Variants in PRR11 observed in about 807,000 individuals in gnomAD.
PRR11 encodes the protein proline rich 11, also known as proline-rich protein 11.
A neutral mutation model predicts 45.6 loss-of-function variants in PRR11; 30 were observed. The observed-to-expected ratio is 0.66, with a 90% CI of 0.49 to 0.89. PRR11 has a LOEUF of 0.89. Ranked by LOEUF, PRR11 falls within the 40% of genes least tolerant of loss-of-function variation. The pLI, the probability that PRR11 is intolerant of heterozygous loss-of-function variation, is 0.00. For missense variants in PRR11, 373 were observed against 424.8 expected (o/e 0.88, Z 1.07); for synonymous variants, 128 against 153.5 (o/e 0.83, Z 1.23).
At chr17:59,156,551 T>A (rs1490631969) in intron 1 of PRR11, among the ~76,000 whole-genome samples, 1 of 152,130 alleles carries the variant, frequency 6.6e-6, no homozygotes, top group Non-Finnish European at 1.5e-5. Flanking sequence ...GAGACTTCCA[T>A]AAAAATGTGT....
intron 2 of PRR11, chr17:59,175,206 G>A: frequency 2.2e-6 from 1 of 458,446 alleles, no homozygotes; most frequent in South Asian, 1.9e-5. Flanking sequence ...CCAGAGAGGA[G>A]GGCAGGGGAC....
chr17:59,175,052 G>A, intron 2 of PRR11: 1 of 606,530 alleles, frequency 1.6e-6, no homozygotes, highest in Non-Finnish European at 2.9e-6. Context: ...TCTGGGAGTG[G>A]TTCTTCCCGT....
intron 2 of PRR11, among the ~76,000 whole-genome samples, chr17:59,171,041 T>C (rs558272766): frequency 5.5e-4 from 83 of 151,816 alleles, no homozygotes; most frequent in Non-Finnish European, 7.4e-4. Flanking sequence ...GGGCGGATCA[T>C]GAGGTCAGGA....
chr17:59,186,796 T>C (rs139357212), intron 4 of PRR11, among the ~76,000 whole-genome samples: 63 of 152,280 alleles, frequency 4.1e-4, no homozygotes, highest in African/African-American at 1.5e-3. Flanking sequence ...AAAGGATTAA[T>C]TATTGAATAT....
chr17:59,198,557 C>T (rs544294332), intron 9 of PRR11, among the ~76,000 whole-genome samples: 1 of 152,218 alleles, frequency 6.6e-6, no homozygotes, highest in South Asian at 2.1e-4. Context: ...GCCTGTAGTC[C>T]CAGCTACTCG....
intron 1 of PRR11, among the ~76,000 whole-genome samples, chr17:59,156,465 T>G (rs943495006): frequency 1.3e-5 from 2 of 151,002 alleles, no homozygotes; most frequent in African/African-American, 4.9e-5. Flanking sequence ...GAAATAGTGC[T>G]ATGGGTGTTC....
chr17:59,156,941 A>C (rs757638627), intron 1 of PRR11, among the ~76,000 whole-genome samples: 1 of 152,154 alleles, frequency 6.6e-6, no homozygotes, highest in Admixed American at 6.5e-5. Context: ...AGAACTTTTC[A>C]TATCATTGGG....
intron 2 of PRR11, chr17:59,181,678 T>C: frequency 6.5e-7 from 1 of 1,543,708 alleles, no homozygotes; most frequent in Non-Finnish European, 8.8e-7. Flanking sequence ...CTCCTCAGAT[T>C]GGTCCGACCA....
intron 5 of PRR11, 145 bp from the exon 6 acceptor site, chr17:59,194,612 T>C (rs1006225402): frequency 9.6e-6 from 5 of 520,100 alleles, no homozygotes; most frequent in Admixed American, 3.8e-5. Context: ...CGATTATTCT[T>C]GGTTGAGTAG....
Position 59,201,715 on chromosome 17 carries a change from A to G in PRR11, c.*84A>G. ...GCTGGGTGCAGTGGCTCACACCTGTAATCCCAGCACTTTGGGAGGCTGAGG... is the reference window on the plus strand; with the variant it reads ...GCTGGGTGCAGTGGCTCACACCTGTGATCCCAGCACTTTGGGAGGCTGAGG... On this transcript the variant is annotated 3_prime_UTR_variant, in exon 10 of 10. Transcript: ENST00000262293. 7.1e-7 allele frequency: 1 copy of G among 1,413,130 alleles called. No homozygotes were observed. The allele number at this position is 1,413,130 out of a possible 1,614,324, so 87.5% of individuals were successfully genotyped here.
At chr17:59,179,637 G>T (rs1254305412) in intron 2 of PRR11, 4 of 1,512,504 alleles carry the variant, frequency 2.6e-6, no homozygotes, top group Non-Finnish European at 2.7e-6. Flanking sequence ...GCTCTCTGGG[G>T]TGTCCTCCTA....
intron 7 of PRR11, among the ~76,000 whole-genome samples, chr17:59,196,416 G>A (rs139205679): frequency 0.034 from 5,080 of 151,540 alleles, 316 homozygotes; most frequent in African/African-American, 0.12. Context: ...TTGCTCTGTC[G>A]CCCAGACTGG....
intron 4 of PRR11, among the ~76,000 whole-genome samples, chr17:59,190,458 C>T (rs756502361): frequency 8.0e-5 from 12 of 149,980 alleles, no homozygotes; most frequent in Non-Finnish European, 1.2e-4. Flanking sequence ...CTAGCCTGGG[C>T]GACACAGCAA....
In PRR11 at chr17:59,195,412, G is replaced by T; in HGVS notation, c.826G>T (p.Val276Leu). The T allele has an allele frequency of 6.2e-7, 1 of 1,612,976 alleles. No homozygotes were observed. Among genetic ancestry groups the T allele is most frequent in the Non-Finnish European group, 8.5e-7 (1 of 1,179,062 alleles). ...TGTTACCCTGAAACCTAACTCCAAA[G>T]TGTTATCGACTCGAGTTACAAACGT... Reference protein sequence around the residue: ...QHVTLKPNSKVLSTRVTNVLI... With the variant: ...QHVTLKPNSKLLSTRVTNVLI... Residue 276 changes from valine (V) to leucine (L), a missense_variant, in exon 7 of 10, where the codon GTG becomes TTG. Coordinates refer to ENST00000262293, the MANE Select transcript of PRR11 (RefSeq NM_018304.4).
At chr17:59,170,404 T>C (rs936896058) in intron 2 of PRR11, among the ~76,000 whole-genome samples, 1 of 152,132 alleles carries the variant, frequency 6.6e-6, no homozygotes, top group Non-Finnish European at 1.5e-5. Context: ...TTAATTTTTA[T>C]TTATTTATTT....
chr17:59,194,899 A>G, intron 6 of PRR11, 44 bp downstream of exon 6: 1 of 1,509,250 alleles, frequency 6.6e-7, no homozygotes, highest in Non-Finnish European at 9.2e-7. Context: ...TGCTTTTAAC[A>G]ATATAGGCTC....
rs762730940 is a variant in PRR11 at position 59,185,167 on chromosome 17, G to T, written c.242G>T (p.Trp81Leu). 1 of 1,612,726 alleles carries T rather than the reference G, an allele frequency of 6.2e-7. No individual in the cohort carries two copies. The highest frequency in any genetic ancestry group is 8.5e-7 in the Non-Finnish European group (1 of 1,179,336). The change falls in exon 3 of 10, where the codon TGG becomes TTG. Residue 81 changes from tryptophan (W) to leucine (L), a missense_variant. Physicochemically the swap from Trp to Leu is moderately conservative, Grantham distance 61 (BLOSUM62 -2). Coordinates refer to ENST00000262293, the MANE Select transcript of PRR11 (RefSeq NM_018304.4). ...ATAAAACTTTGGACAAATAGAGTATGGTCTATATACAGCTGGTGCCAGAAC... is the reference window on the plus strand; with the variant it reads ...ATAAAACTTTGGACAAATAGAGTATTGTCTATATACAGCTGGTGCCAGAAC... ...DAIKLWTNRV[W>L]SIYSWCQNCI...
chr17:59,169,679 T>A (rs749536676), intron 1 of PRR11, 69 bp from the exon 2 acceptor site: 5 of 1,354,368 alleles, frequency 3.7e-6, no homozygotes, highest in Admixed American at 2.7e-5. Context: ...ACTATACACT[T>A]AAGATTTGTG....
Position 59,204,705 on chromosome 17 carries a change from CAAAA to C in PRR11, c.*3085_*3088del, listed in dbSNP as rs776227224. ...TGGACAACAGAGTGAGACCCTGTGT[CAAAA>C]AAAAAAAAAAGAAAGAAAGAAAGAA... On this transcript the variant is annotated 3_prime_UTR_variant, in exon 10 of 10. Transcript: ENST00000262293. The C allele has an allele frequency of 6.2e-5, 7 of 113,224 alleles. No homozygotes were observed. Among genetic ancestry groups the C allele is most frequent in the Admixed American group, 9.5e-5 (1 of 10,516 alleles). The allele number at this position is 113,224 out of a possible 1,614,324, so 7.0% of individuals were successfully genotyped here.
Sources: gnomAD v4.1 joint callset for allele counts (sites outside exome capture counted in the v4.1 genomes callset) on GRCh38, gnomAD v4.1.1 for gene constraint, MANE v1.5 for transcripts, NCBI Gene and HGNC (gene_info 2026-07-23, HGNC 2026-07-21) for gene names.